The following USP34 variants were observed in gnomAD, a reference collection of about 807,000 sequenced individuals.
The protein encoded by USP34 is ubiquitin carboxyl-terminal hydrolase 34.
USP34 carries 70 observed loss-of-function variants against 460.3 expected under a neutral mutation model. The observed-to-expected ratio is 0.15, with a 90% CI of 0.13 to 0.19. The LOEUF is 0.19. USP34 is among the 10% of genes least tolerant of loss of function. USP34 has a pLI of 1.00. For synonymous variants in USP34, 1,647 were observed against 1,405.3 expected (o/e 1.17, Z -3.85); for missense variants, 3,985 against 4,236.2 (o/e 0.94, Z 1.65).
rs1441506775 is a variant in USP34, at chr2:61,296,998, TA to T, written c.4129-74del. Reference sequence around the variant, plus strand: ...AAAGTTTTAAGTTCAAATTTTTGCATAAAGTAATGATCAAATTTGCTAATAG... The same window carrying T: ...AAAGTTTTAAGTTCAAATTTTTGCATAAGTAATGATCAAATTTGCTAATAG... On this transcript the variant is annotated intron_variant, in intron 29 of 79. Coordinates refer to ENST00000398571, the MANE Select transcript of USP34 (RefSeq NM_014709.4). 6.9e-5 allele frequency: 103 copies of T among 1,488,636 alleles called. No individual in the cohort carries two copies. The East Asian group carries it at 1.6e-3, about 24-fold the overall frequency. 92.2% of individuals were successfully genotyped at this position (1,488,636 alleles called of 1,614,324 possible).
At chr2:61,235,076 G>A (rs1213888299) in intron 57 of USP34, among the ~76,000 whole-genome samples, 1 of 151,746 alleles carries the variant, frequency 6.6e-6, no homozygotes, top group Non-Finnish European at 1.5e-5. Flanking sequence ...ATTTGCTAAG[G>A]GAGGAGATCT....
Position 61,311,910 on chromosome 2 carries a change from C to T in USP34, c.3543G>A (p.Arg1181=). 2 of 1,611,538 alleles carry T rather than the reference C, an allele frequency of 1.2e-6. No individual in the cohort carries two copies. The highest frequency in any genetic ancestry group is 1.7e-6 in the Non-Finnish European group (2 of 1,179,414). ...LKTHLEAFRR[R]FAYHLRQWQI... is the part of the protein sequence containing the mutation. ...GCCACTGTCTCAGATGATATGCAAA[C>T]CTAAAACATGACACAAACAACACAT... The change falls in exon 26 of 80, where the codon AGG becomes AGA. Residue 1181 remains arginine, a splice_region_variant and synonymous_variant. Transcript: ENST00000398571.
At chr2:61,393,534 G>T (rs780102994) in intron 5 of USP34, among the ~76,000 whole-genome samples, 22 of 151,484 alleles carry the variant, frequency 1.5e-4, no homozygotes, top group Admixed American at 5.9e-4. Context: ...AACTAAAAAT[G>T]ACCTTGATAG....
chr2:61,458,982 C>T (rs1695518096), intron 1 of USP34, among the ~76,000 whole-genome samples: 1 of 152,146 alleles, frequency 6.6e-6, no homozygotes, highest in African/African-American at 2.4e-5. Context: ...AGGAGAATTG[C>T]TTGAACCCGG....
At chr2:61,317,411 CA>C (rs1368135161) in intron 23 of USP34, among the ~76,000 whole-genome samples, 1 of 152,048 alleles carries the variant, frequency 6.6e-6, no homozygotes, top group Non-Finnish European at 1.5e-5. Context: ...TCTGTAATCC[CA>C]GCTACTTCGG....
intron 5 of USP34, among the ~76,000 whole-genome samples, chr2:61,385,190 CA>C (rs1693098809): frequency 6.6e-6 from 1 of 152,092 alleles, no homozygotes; most frequent in Non-Finnish European, 1.5e-5. Flanking sequence ...ACAAGATACA[CA>C]CCTCTACATA....
At chr2:61,266,301 T>C in intron 41 of USP34, 134 bp from the exon 42 acceptor site, 3 of 794,754 alleles carry the variant, frequency 3.8e-6, no homozygotes, top group Non-Finnish European at 3.8e-6. Flanking sequence ...TACCATCATC[T>C]GAAAGTCCTC....
At chr2:61,258,132 T>C (rs10178135) in intron 44 of USP34, among the ~76,000 whole-genome samples, 39,710 of 151,928 alleles carry the variant, frequency 0.26, 5,479 homozygotes, top group African/African-American at 0.34. Flanking sequence ...GGCGAGTTGA[T>C]TGCTTGAGCC....
chr2:61,363,305 T>C (rs1692328790), intron 10 of USP34, among the ~76,000 whole-genome samples: 1 of 152,136 alleles, frequency 6.6e-6, no homozygotes. Context: ...TTTGGTGCCT[T>C]CTCAAAAAGT....
chr2:61,301,223 C>A, intron 28 of USP34, 63 bp from the exon 29 acceptor site: 1 of 1,541,362 alleles, frequency 6.5e-7, no homozygotes, highest in East Asian at 2.3e-5. Flanking sequence ...AACGGTAAAT[C>A]TGAAGTATAG....
intron 35 of USP34, among the ~76,000 whole-genome samples, chr2:61,284,473 C>T (rs1002230017): frequency 1.1e-4 from 16 of 151,946 alleles, no homozygotes; most frequent in Non-Finnish European, 1.5e-5. Context: ...AAAAATACTG[C>T]TATAAAGAAT....
At chr2:61,220,773 T>C (rs1405503781) in intron 66 of USP34, among the ~76,000 whole-genome samples, 1 of 152,222 alleles carries the variant, frequency 6.6e-6, no homozygotes, top group African/African-American at 2.4e-5. Flanking sequence ...TTTATTTCTC[T>C]AAGGTTTCTC....
chr2:61,469,199 C>CCAGA (rs1361905014), intron 1 of USP34, among the ~76,000 whole-genome samples: 1 of 151,910 alleles, frequency 6.6e-6, no homozygotes, highest in Non-Finnish European at 1.5e-5. Context: ...AAGAGCAAAA[C>CCAGA]TCTGTCTCAA....
At chr2:61,343,739 A>T in intron 16 of USP34, 76 bp downstream of exon 16, 1 of 1,446,782 alleles carries the variant, frequency 6.9e-7, no homozygotes, top group Non-Finnish European at 9.6e-7. Context: ...TTAACTATTG[A>T]GTCCTTTCAA....
intron 10 of USP34, among the ~76,000 whole-genome samples, chr2:61,360,713 G>A (rs905239490): frequency 6.6e-6 from 1 of 152,212 alleles, no homozygotes; most frequent in African/African-American, 2.4e-5. Flanking sequence ...CTGGAGTACA[G>A]TGGCACCATC....
chr2:61,304,151 G>GCGGAT (rs1690329590), intron 27 of USP34, among the ~76,000 whole-genome samples: 1 of 152,046 alleles, frequency 6.6e-6, no homozygotes, highest in Admixed American at 6.5e-5. Context: ...GCCTGCCTTG[G>GCGGAT]CCTCAAAGCC....
chr2:61,441,190 A>T (rs1273305531), intron 1 of USP34, among the ~76,000 whole-genome samples: 3 of 148,782 alleles, frequency 2.0e-5, no homozygotes, highest in African/African-American at 7.4e-5. Context: ...CCCAGGCTAG[A>T]GTGTACTTGC....
chr2:61,217,869 T>G (rs1687447506), intron 67 of USP34, among the ~76,000 whole-genome samples: 1 of 151,992 alleles, frequency 6.6e-6, no homozygotes, highest in South Asian at 2.1e-4. Flanking sequence ...ACAGGAGAAC[T>G]GCTTGAACCC....
At chr2:61,242,251 G>C (rs1688284340) in intron 51 of USP34, among the ~76,000 whole-genome samples, 1 of 152,156 alleles carries the variant, frequency 6.6e-6, no homozygotes, top group African/African-American at 2.4e-5. Flanking sequence ...GCACGAAGCT[G>C]TAATTTATTC....
Sources: allele counts gnomAD v4.1 joint callset (sites outside exome capture counted in the v4.1 genomes callset), GRCh38; gene constraint gnomAD v4.1.1; transcripts MANE v1.5; gene names NCBI Gene and HGNC (gene_info 2026-07-23, HGNC 2026-07-21).